Variants in CPVL observed in about 807,000 individuals in gnomAD.
CPVL encodes probable serine carboxypeptidase CPVL.
CPVL carries 51 observed loss-of-function variants against 63.7 expected under a neutral mutation model. That is an observed-to-expected ratio of 0.80 (90% CI 0.64 to 1.01). CPVL has a LOEUF of 1.01. CPVL is among the 50% of genes least tolerant of loss of function. The pLI is 0.00. For missense variants in CPVL, 530 were observed against 573.1 expected, an observed-to-expected ratio of 0.92 and a Z score of 0.77; for synonymous variants, 195 against 206.0, an observed-to-expected ratio of 0.95 and a Z score of 0.46.
intron 12 of CPVL, chr7:29,012,598 TG>T (rs760785095): frequency 1.1e-4 from 17 of 152,246 alleles, no homozygotes; most frequent in Admixed American, 8.5e-4. Context: ...TTGATACTAC[TG>T]ACTGGAAGAC....
At chr7:29,111,050 C>T (rs1788177275) in intron 3 of CPVL, among the ~76,000 whole-genome samples, 1 of 152,256 alleles carries the variant, frequency 6.6e-6, no homozygotes, top group African/African-American at 2.4e-5. Context: ...TCCTTGATTT[C>T]AGCCCAGGGA....
rs1181816690 is a variant in CPVL at position 29,096,181 on chromosome 7, G to A, written c.325C>T (p.Gln109Ter). ...PEDAPVVLWL[Q>*]GGPGGSSMFG... Reference sequence around the variant, plus strand: ...ATGGATGAACCTCCCGGCCCACCCTGTAGCCAGAGAACTACTGGGGCATCT... The same window carrying A: ...ATGGATGAACCTCCCGGCCCACCCTATAGCCAGAGAACTACTGGGGCATCT... Residue 109 changes from glutamine (Q) to a stop codon, truncating the protein, a stop_gained, in exon 4 of 13, where the codon CAG becomes TAG. Coordinates refer to ENST00000265394, the MANE Select transcript of CPVL (RefSeq NM_031311.5). LOFTEE classifies it high-confidence loss of function. 6.2e-7 allele frequency: 1 copy of A among 1,614,072 alleles called. No homozygotes were observed. Among genetic ancestry groups the A allele is most frequent in the Non-Finnish European group, 8.5e-7 (1 of 1,180,032 alleles).
intron 12 of CPVL, among the ~76,000 whole-genome samples, chr7:29,007,491 G>A (rs1785310277): frequency 6.6e-6 from 1 of 152,136 alleles, no homozygotes; most frequent in Non-Finnish European, 1.5e-5. Context: ...TAAAGGAGAG[G>A]ATGCTCTAGT....
chr7:29,191,684 C>T (rs1782915871), intron 1 of CPVL: 7 of 152,230 alleles, frequency 4.6e-5, no homozygotes, highest in Admixed American at 3.9e-4. Context: ...GCAGAAATGT[C>T]TTTTAAAATT....
upstream of CPVL, chr7:29,147,091 G>A: frequency 1.6e-6 from 2 of 1,280,320 alleles, no homozygotes; most frequent in East Asian, 5.1e-5. Flanking sequence ...ACTAAGTGAG[G>A]TTAAGTAACC....
intron 5 of CPVL, among the ~76,000 whole-genome samples, chr7:29,174,515 T>C (rs1016303024): frequency 6.6e-6 from 1 of 151,936 alleles, no homozygotes; most frequent in Non-Finnish European, 1.5e-5. Flanking sequence ...GGATGGAACA[T>C]GGTAGAGTGG....
intron 12 of CPVL, among the ~76,000 whole-genome samples, chr7:29,029,379 T>A (rs1462338186): frequency 6.6e-6 from 1 of 152,174 alleles, no homozygotes; most frequent in Non-Finnish European, 1.5e-5. Context: ...CTATTCACAA[T>A]AGCCATGACA....
intron 1 of CPVL, among the ~76,000 whole-genome samples, chr7:29,135,541 T>C (rs1208522424): frequency 2.0e-5 from 3 of 151,934 alleles, no homozygotes; most frequent in Non-Finnish European, 4.4e-5. Flanking sequence ...ACCATGTTGA[T>C]CAGGCTGGTC....
intron 1 of CPVL, among the ~76,000 whole-genome samples, chr7:29,125,424 G>A (rs180742069): frequency 3.3e-4 from 39 of 117,880 alleles, no homozygotes; most frequent in African/African-American, 1.3e-3. Flanking sequence ...ACAGAGTCTC[G>A]CTCTGTCACC....
At chr7:29,073,462 A>G (rs1048522377) in intron 7 of CPVL, among the ~76,000 whole-genome samples, 3 of 152,114 alleles carry the variant, frequency 2.0e-5, no homozygotes, top group African/African-American at 7.2e-5. Context: ...AAGCAAAGGC[A>G]TAAGGGCTGA....
intron 5 of CPVL, among the ~76,000 whole-genome samples, chr7:29,093,197 C>T (rs955616262): frequency 2.0e-5 from 3 of 151,432 alleles, no homozygotes; most frequent in African/African-American, 4.9e-5. Flanking sequence ...ACCAGCCTGG[C>T]GAAACCCCGT....
intron 7 of CPVL, among the ~76,000 whole-genome samples, chr7:29,083,546 G>C (rs940604235): frequency 3.3e-5 from 5 of 152,182 alleles, no homozygotes; most frequent in Admixed American, 6.5e-5. Context: ...GAATGGATAG[G>C]CTATACCTGC....
At chr7:29,170,318 CT>C (rs1467187932) in intron 5 of CPVL, among the ~76,000 whole-genome samples, 1 of 152,172 alleles carries the variant, frequency 6.6e-6, no homozygotes, top group Non-Finnish European at 1.5e-5. Flanking sequence ...AACAGTGAAT[CT>C]TCAAACACAA....
intron 1 of CPVL, among the ~76,000 whole-genome samples, chr7:29,130,508 T>C (rs1179394210): frequency 1.3e-5 from 2 of 152,200 alleles, no homozygotes; most frequent in African/African-American, 2.4e-5. Flanking sequence ...GAACATCTCA[T>C]AGCCGTTCAC....
chr7:29,071,311 C>T (rs1298365212), intron 9 of CPVL, among the ~76,000 whole-genome samples: 1 of 152,174 alleles, frequency 6.6e-6, no homozygotes, highest in African/African-American at 2.4e-5. Context: ...ATCTTTGTTC[C>T]TGACACGTGT....
intron 5 of CPVL, among the ~76,000 whole-genome samples, chr7:29,177,189 T>C (rs1311588851): frequency 6.6e-6 from 1 of 152,200 alleles, no homozygotes; most frequent in East Asian, 1.9e-4. Flanking sequence ...TAAAGTAATT[T>C]ATACCTATAT....
intron 5 of CPVL, among the ~76,000 whole-genome samples, chr7:29,155,460 G>T (rs1794229772): frequency 6.6e-6 from 1 of 152,122 alleles, no homozygotes; most frequent in African/African-American, 2.4e-5. Flanking sequence ...AACCCGAAAA[G>T]GTAGATATTA....
intron 1 of CPVL, among the ~76,000 whole-genome samples, chr7:29,136,778 T>G (rs6953582): frequency 0.018 from 2,764 of 152,306 alleles, 91 homozygotes; most frequent in African/African-American, 0.063. Context: ...ACTTATTATC[T>G]CCTTCCCTAA....
At chr7:29,017,620 A>C (rs984002606) in intron 12 of CPVL, among the ~76,000 whole-genome samples, 2 of 152,188 alleles carry the variant, frequency 1.3e-5, no homozygotes, top group Non-Finnish European at 2.9e-5. Flanking sequence ...GCAACACAGC[A>C]GGACTCCCTC....
Sources: gnomAD v4.1 joint callset for allele counts (sites outside exome capture counted in the v4.1 genomes callset) on GRCh38, gnomAD v4.1.1 for gene constraint, MANE v1.5 for transcripts, NCBI Gene and HGNC (gene_info 2026-07-23, HGNC 2026-07-21) for gene names.